The following USP25 variants were observed in gnomAD, a reference collection of about 807,000 sequenced individuals.
USP25 encodes ubiquitin specific peptidase 25, also known as ubiquitin carboxyl-terminal hydrolase 25.
Under a neutral mutation model 158.5 loss-of-function variants are expected in USP25, and 85 were observed. That is an observed-to-expected ratio of 0.54 (90% CI 0.45 to 0.64). USP25 has a LOEUF of 0.64. USP25 is among the 30% of genes least tolerant of loss of function. The pLI is 0.00. For missense variants in USP25, 1,242 were observed against 1,327.3 expected (o/e 0.94, Z 1.00); for synonymous variants, 464 against 460.4 (o/e 1.01, Z -0.10).
chr21:15,800,332 G>A (rs2036069802), intron 6 of USP25, among the ~76,000 whole-genome samples: 1 of 151,336 alleles, frequency 6.6e-6, no homozygotes, highest in Admixed American at 6.6e-5. Context: ...GCCAGATTGC[G>A]TGGGTTCTAG....
Position 15,799,759 on chromosome 21 carries a change from A to G in USP25, c.558A>G (p.Ser186=). The G allele has an allele frequency of 6.3e-7, 1 of 1,584,474 alleles. No homozygotes were observed. Among genetic ancestry groups the G allele is most frequent in the Non-Finnish European group, 8.6e-7 (1 of 1,163,612 alleles). The part of the protein sequence containing the change: ...NTCWFSAVIQ[S]LFNLLEFRRL... Reference sequence around the variant, plus strand: ...GTTAAATTGTTGTTCTTTTTCAGTCATTATTTAATCTTTTGGAATTTAGAA... The same window carrying G: ...GTTAAATTGTTGTTCTTTTTCAGTCGTTATTTAATCTTTTGGAATTTAGAA... The change falls in exon 6 of 26, where the codon TCA becomes TCG. Residue 186 remains serine, a splice_region_variant and synonymous_variant. Coordinates refer to ENST00000400183, the MANE Select transcript of USP25 (RefSeq NM_001283041.3).
intron 1 of USP25, among the ~76,000 whole-genome samples, chr21:15,734,392 A>G (rs765345035): frequency 2.0e-5 from 3 of 152,242 alleles, no homozygotes; most frequent in Non-Finnish European, 2.9e-5. Flanking sequence ...TGTTACTTAA[A>G]GGAGGCATTC....
intron 19 of USP25, among the ~76,000 whole-genome samples, chr21:15,849,236 T>C (rs2038775494): frequency 6.6e-6 from 1 of 152,194 alleles, no homozygotes; most frequent in African/African-American, 2.4e-5. Context: ...TTGTGTGTTT[T>C]GTCGTTTTTT....
chr21:15,831,011 G>A (rs1253525540), intron 15 of USP25, among the ~76,000 whole-genome samples: 2 of 152,110 alleles, frequency 1.3e-5, no homozygotes, highest in Non-Finnish European at 2.9e-5. Flanking sequence ...AACTTCTGGT[G>A]TATATCATAT....
In USP25 at chr21:15,863,055, T is replaced by C. The variant is rs567189083; in HGVS notation, c.2548-1213T>C. On this transcript the variant is annotated intron_variant, in intron 20 of 25. Coordinates refer to ENST00000400183, the MANE Select transcript of USP25 (RefSeq NM_001283041.3). ...TTGTAATCTTGCCTGAAGCCCAAAA[T>C]GTTTATGCTTATTAGAGCTAGAATT... 2.2e-3 allele frequency among the ~76,000 whole-genome samples: 337 copies of C among 152,104 alleles called. 5 individuals carry two copies. The highest frequency in any genetic ancestry group is 7.9e-3 in the African/African-American group (327 of 41,566).
chr21:15,742,358 A>T lies in USP25; in HGVS notation c.45+11920A>T, dbSNP rs540360778. Among the ~76,000 whole-genome samples the T allele has an allele frequency of 2.6e-5, 4 of 152,174 alleles. No individual in the cohort carries two copies. The East Asian group carries it at 7.7e-4, about 29-fold the overall frequency. On this transcript the variant is annotated intron_variant, in intron 1 of 25. Coordinates refer to ENST00000400183, the MANE Select transcript of USP25 (RefSeq NM_001283041.3). ...AGAGAGGAGCCAGGAATGATGTACC[A>T]TTAGTGGCCAGGGCTTGTTATGGTA...
chr21:15,805,582 T>G (rs982960117), intron 7 of USP25: 3 of 174,658 alleles, frequency 1.7e-5, no homozygotes, highest in Non-Finnish European at 2.4e-5. Flanking sequence ...TTCCTGTGTT[T>G]GCTGGCAGGG....
chr21:15,862,014 A>G (rs1166827016), intron 20 of USP25, among the ~76,000 whole-genome samples: 1 of 152,144 alleles, frequency 6.6e-6, no homozygotes, highest in African/African-American at 2.4e-5. Context: ...TCAGTTCTAT[A>G]ATAGAAATCT....
At chr21:15,877,766 ATTC>A in intron 24 of USP25, 27 bp from the exon 25 acceptor site, 1 of 1,503,484 alleles carries the variant, frequency 6.7e-7, no homozygotes, top group Non-Finnish European at 9.0e-7. Context: ...ACAAAAACCT[ATTC>A]TTTTTTTTTT....
At chr21:15,783,401 C>T (rs757531213) in intron 4 of USP25, among the ~76,000 whole-genome samples, 4 of 152,102 alleles carry the variant, frequency 2.6e-5, no homozygotes, top group Non-Finnish European at 5.9e-5. Context: ...AAGTTATGGA[C>T]ATCTAGGAAT....
Position 15,831,640 on chromosome 21 carries a change from A to G in USP25, c.1993+11A>G, listed in dbSNP as rs371448167. 9.3e-6 allele frequency: 15 copies of G among 1,605,070 alleles called. No homozygotes were observed. Among genetic ancestry groups the G allele is most frequent in the Admixed American group, 1.7e-5 (1 of 59,966 alleles). On this transcript the variant is annotated intron_variant, in intron 16 of 25. Transcript: ENST00000400183. ...AGTTCCTAATACAAGGTAAGAATATATAGGGTGGTGTGTATTTTTAAATAG... is the reference window on the plus strand; with the variant it reads ...AGTTCCTAATACAAGGTAAGAATATGTAGGGTGGTGTGTATTTTTAAATAG...
chr21:15,863,953 C>G (rs1374856688), intron 20 of USP25, among the ~76,000 whole-genome samples: 1 of 151,282 alleles, frequency 6.6e-6, no homozygotes. Flanking sequence ...AGGAGATTCA[C>G]TTGAACCTGA....
At chr21:15,765,596 G>A (rs1306690751) in intron 2 of USP25, among the ~76,000 whole-genome samples, 1 of 151,932 alleles carries the variant, frequency 6.6e-6, no homozygotes, top group Non-Finnish European at 1.5e-5. Flanking sequence ...CAGATTAAAA[G>A]GAATATCTTT....
chr21:15,739,218 A>C (rs911425108), intron 1 of USP25, among the ~76,000 whole-genome samples: 1 of 152,164 alleles, frequency 6.6e-6, no homozygotes, highest in Non-Finnish European at 1.5e-5. Flanking sequence ...CTTCCAATAA[A>C]TATTGATTAG....
At chr21:15,762,774 T>C in intron 1 of USP25, 117 bp from the exon 2 acceptor site, 1 of 850,678 alleles carries the variant, frequency 1.2e-6, no homozygotes, top group South Asian at 2.0e-5. Context: ...TTTTTTACTC[T>C]AGTTTACTTT....
chr21:15,871,406 A>C (rs2039879384), intron 23 of USP25, among the ~76,000 whole-genome samples: 1 of 152,196 alleles, frequency 6.6e-6, no homozygotes, highest in African/African-American at 2.4e-5. Context: ...ATAATTCAAT[A>C]GAGTGAGATA....
intron 10 of USP25, among the ~76,000 whole-genome samples, chr21:15,819,599 A>G (rs1601019181): frequency 1.3e-5 from 2 of 152,276 alleles, no homozygotes; most frequent in Middle Eastern, 6.8e-3. Context: ...CCCTAGTGGT[A>G]ATATGGTAAC....
At chr21:15,829,801 G>C (rs2037707163) in intron 14 of USP25, among the ~76,000 whole-genome samples, 1 of 151,936 alleles carries the variant, frequency 6.6e-6, no homozygotes, top group Non-Finnish European at 1.5e-5. Context: ...TAAAGTGTTG[G>C]GCAGGGAGGA....
rs1482403645 is a variant in USP25, at chr21:15,878,837, A to G, written c.*362A>G. 5.5e-6 allele frequency: 1 copy of G among 182,288 alleles called. No individual in the cohort carries two copies. Among genetic ancestry groups the G allele is most frequent in the African/African-American group, 2.4e-5 (1 of 42,186 alleles). 11.3% of individuals were successfully genotyped at this position (182,288 alleles called of 1,614,324 possible). Reference sequence around the variant, plus strand: ...CATGACTACAGCCATTTAAGTGTTCAGCACTGTGTACGATACATAATATTT... The same window carrying G: ...CATGACTACAGCCATTTAAGTGTTCGGCACTGTGTACGATACATAATATTT... On this transcript the variant is annotated 3_prime_UTR_variant, in exon 26 of 26. Coordinates refer to ENST00000400183, the MANE Select transcript of USP25 (RefSeq NM_001283041.3).
Sources: allele counts gnomAD v4.1 joint callset (sites outside exome capture counted in the v4.1 genomes callset), GRCh38; gene constraint gnomAD v4.1.1; transcripts MANE v1.5; gene names NCBI Gene and HGNC (gene_info 2026-07-23, HGNC 2026-07-21).